The following MTG2 variants were observed in gnomAD, a reference collection of about 807,000 sequenced individuals.
The protein encoded by MTG2 is mitochondrial ribosome-associated GTPase 2.
Under a neutral mutation model 28.6 loss-of-function variants are expected in MTG2, and 23 were observed. The ratio of observed to expected loss-of-function variants is 0.80; its 90% CI spans 0.58 to 1.14. The LOEUF is 1.14. MTG2 is among the 50% of genes most tolerant of loss of function. The probability of loss-of-function intolerance (pLI) is 0.00; values close to 1 mark genes in which losing one functional copy is unlikely to be tolerated. For missense variants in MTG2, 539 were observed against 552.0 expected (o/e 0.98, Z 0.24); for synonymous variants, 260 against 251.8 (o/e 1.03, Z -0.31).
intron 6 of MTG2, 136 bp downstream of exon 6, chr20:62,199,393 C>G: frequency 8.8e-7 from 1 of 1,137,176 alleles, no homozygotes. Flanking sequence ...CACCTGTAAC[C>G]CCAGCACTTT....
chr20:62,197,723 A>T (rs187393169), intron 3 of MTG2, 129 bp from the exon 4 acceptor site: 20 of 630,290 alleles, frequency 3.2e-5, no homozygotes, highest in Non-Finnish European at 4.7e-5. Context: ...TGGTTTTGTA[A>T]CTTCTGCTGC....
chr20:62,185,610 C>G (rs2057827472), intron 1 of MTG2, among the ~76,000 whole-genome samples: 1 of 151,958 alleles, frequency 6.6e-6, no homozygotes, highest in Admixed American at 6.6e-5. Flanking sequence ...GCACTCCAGC[C>G]TGGGAGTGAG....
In MTG2 at chr20:62,201,150, C is replaced by A; in HGVS notation, c.*73C>A. 2 of 1,459,322 alleles carry A rather than the reference C, an allele frequency of 1.4e-6. No individual in the cohort carries two copies. The highest frequency in any genetic ancestry group is 1.8e-6 in the Non-Finnish European group (2 of 1,106,248). The allele number at this position is 1,459,322 out of a possible 1,614,324, so 90.4% of individuals were successfully genotyped here. ...GGTGTGAATTCGGTGGTTTTGAATGCATAAAGTGCCTTGTGGACACGGGGG... is the reference window on the plus strand; with the variant it reads ...GGTGTGAATTCGGTGGTTTTGAATGAATAAAGTGCCTTGTGGACACGGGGG... On this transcript the variant is annotated 3_prime_UTR_variant, in exon 7 of 7. Transcript: ENST00000370823.
chr20:62,193,229 C>T (rs138536111), intron 1 of MTG2, among the ~76,000 whole-genome samples, 187 bp from the exon 2 acceptor site: 25 of 151,828 alleles, frequency 1.6e-4, no homozygotes, highest in African/African-American at 4.6e-4. Context: ...GATAGGCTGA[C>T]GGGTCAGAGG....
chr20:62,198,994 G>C, intron 5 of MTG2, 125 bp from the exon 6 acceptor site: 2 of 1,541,718 alleles, frequency 1.3e-6, no homozygotes, highest in Non-Finnish European at 1.8e-6. Context: ...TGACTTGGTC[G>C]TGAGCATGAG....
At chr20:62,186,819 G>A (rs1216842909) in intron 1 of MTG2, among the ~76,000 whole-genome samples, 1 of 151,678 alleles carries the variant, frequency 6.6e-6, no homozygotes, top group Non-Finnish European at 1.5e-5. Context: ...ATGAGCCACC[G>A]TGCCCAGCCT....
At chr20:62,184,090 G>A (rs2057782941) in intron 1 of MTG2, among the ~76,000 whole-genome samples, 2 of 152,258 alleles carry the variant, frequency 1.3e-5, no homozygotes, top group South Asian at 4.1e-4. Flanking sequence ...TGGGCGCGGT[G>A]GCTCACGCCT....
Position 62,202,956 on chromosome 20 carries a change from A to G in MTG2, c.*1879A>G, listed in dbSNP as rs916800998. The G allele has an allele frequency of 2.6e-5, 4 of 152,244 alleles. No individual in the cohort carries two copies. Among genetic ancestry groups the G allele is most frequent in the Non-Finnish European group, 5.9e-5 (4 of 68,054 alleles). 9.4% of individuals were successfully genotyped at this position (152,244 alleles called of 1,614,324 possible). ...AGGAGCAATTCCGTTTTGATCTCAC[A>G]TCAAATCTGCAGCTAGAACATGACA... On this transcript the variant is annotated 3_prime_UTR_variant, in exon 7 of 7. Coordinates refer to ENST00000370823, the MANE Select transcript of MTG2 (RefSeq NM_015666.4).
At chr20:62,198,568 A>G (rs1418874437) in intron 4 of MTG2, 66 bp from the exon 5 acceptor site, 1 of 1,527,706 alleles carries the variant, frequency 6.5e-7, no homozygotes, top group African/African-American at 1.4e-5. Flanking sequence ...TGCTTCAGGA[A>G]TGGGTTAAGG....
chr20:62,186,539 T>G lies in MTG2; in HGVS notation c.-6+3482T>G, dbSNP rs1233591070. Among the ~76,000 whole-genome samples the G allele has an allele frequency of 4.1e-3, 615 of 148,820 alleles. 3 individuals are homozygous for G. The highest frequency in any genetic ancestry group is 0.015 in the African/African-American group (588 of 40,548). ...GGACTTTTTTTTTTGTTTTTTTTTT[T>G]TTTTTTTGAGATGGAGTCTTGCTCT... On this transcript the variant is annotated intron_variant, in intron 1 of 6. Transcript: ENST00000370823.
intron 1 of MTG2, among the ~76,000 whole-genome samples, chr20:62,191,611 G>A (rs938291945): frequency 6.6e-5 from 10 of 152,198 alleles, no homozygotes; most frequent in Non-Finnish European, 1.3e-4. Context: ...GGCGTCCGAG[G>A]CACTGCGAGG....
chr20:62,201,342 A>C lies in MTG2; in HGVS notation c.*265A>C. On this transcript the variant is annotated 3_prime_UTR_variant, in exon 7 of 7. Coordinates refer to ENST00000370823, the MANE Select transcript of MTG2 (RefSeq NM_015666.4). ...TCATTTGTGCTGATTAACACCCCTA[A>C]TAAGGGGTTGGGGTGCCCATAACGG... 7 of 495,396 alleles carry C rather than the reference A, an allele frequency of 1.4e-5. No individual in the cohort carries two copies. The highest frequency in any genetic ancestry group is 3.6e-5 in the East Asian group (1 of 28,136). The allele number at this position is 495,396 out of a possible 1,614,324, so 30.7% of individuals were successfully genotyped here.
At chr20:62,186,529 T>G (rs4009660) in intron 1 of MTG2, among the ~76,000 whole-genome samples, 129 of 34,110 alleles carry the variant, frequency 3.8e-3, no homozygotes, top group South Asian at 0.014. Flanking sequence ...TTTTTTTTTG[T>G]TTTTTTTTTT....
At position 62,200,833 on chromosome 20, in the gene MTG2, A is replaced by T; in HGVS notation, c.977A>T (p.Tyr326Phe). Residue 326 changes from tyrosine to phenylalanine, a missense_variant, in exon 7 of 7, where the codon TAT (tyrosine) becomes TTT (phenylalanine). Coordinates refer to ENST00000370823, the MANE Select transcript of MTG2 (RefSeq NM_015666.4). ...TGGACTCAAGTTGACGATTTAAAAT[A>T]TGAACTGGAGATGTATGAAAAGGGC... Reference protein sequence around the residue: ...EPWTQVDDLKYELEMYEKGLS... With the variant: ...EPWTQVDDLKFELEMYEKGLS... 1 of 1,613,968 alleles carries T rather than the reference A, an allele frequency of 6.2e-7. No individual in the cohort carries two copies. The highest frequency in any genetic ancestry group is 8.5e-7 in the Non-Finnish European group (1 of 1,180,032).
At position 62,201,269 on chromosome 20, in the gene MTG2, CCGTATTTCCTG is replaced by C. The variant is rs1309559724; in HGVS notation, c.*194_*204del. 1.5e-6 allele frequency: 1 copy of C among 666,960 alleles called. No homozygotes were observed. Among genetic ancestry groups the C allele is most frequent in the African/African-American group, 1.8e-5 (1 of 55,000 alleles). The allele number at this position is 666,960 out of a possible 1,614,324, so 41.3% of individuals were successfully genotyped here. A position where few individuals can be genotyped will look rare whatever the true frequency, so the allele number is the denominator to read the frequency against. Reference sequence around the variant, plus strand: ...CCGTGCCCCCTACCCCGCCTGCCCTCCGTATTTCCTGCACCTGTCAGCCTGCACCGACTGAT... The same window carrying C: ...CCGTGCCCCCTACCCCGCCTGCCCTCCACCTGTCAGCCTGCACCGACTGAT... On this transcript the variant is annotated 3_prime_UTR_variant, in exon 7 of 7. Coordinates refer to ENST00000370823, the MANE Select transcript of MTG2 (RefSeq NM_015666.4).
intron 3 of MTG2, among the ~76,000 whole-genome samples, chr20:62,196,471 G>A (rs934240159): frequency 7.3e-5 from 11 of 151,180 alleles, no homozygotes; most frequent in Middle Eastern, 3.4e-3. Flanking sequence ...TCCGGAGTTC[G>A]AGACCAGCCT....
In MTG2 at chr20:62,200,761, G is replaced by A. The variant is rs372275598; in HGVS notation, c.905G>A (p.Arg302His). ...LGSAFLRHIE[R>H]CRFLLFVVDL... is the part of the protein sequence containing the mutation. ...TCCGCCTTCCTCAGGCACATCGAGC[G>A]CTGCCGCTTTCTCTTGTTCGTGGTG... is the stretch of plus-strand genomic sequence containing the variant. Residue 302 changes from arginine to histidine, a missense_variant, in exon 7 of 7, where the codon CGC becomes CAC. Physicochemically the swap from Arg to His is conservative, Grantham distance 29 (BLOSUM62 0). Coordinates refer to ENST00000370823, the MANE Select transcript of MTG2 (RefSeq NM_015666.4). 4.0e-5 allele frequency: 64 copies of A among 1,613,604 alleles called. No individual in the cohort carries two copies. Among genetic ancestry groups the A allele is most frequent in the Non-Finnish European group, 5.1e-5 (60 of 1,180,048 alleles).
rs1203009538 is a variant in MTG2, at chr20:62,198,658, G to A, written c.493G>A (p.Glu165Lys). The change falls in exon 5 of 7, where the codon GAG becomes AAG. Residue 165 changes from glutamate (E) to lysine (K), a missense_variant. By Grantham distance (56) the Glu-to-Lys change is moderately conservative. Coordinates refer to ENST00000370823, the MANE Select transcript of MTG2 (RefSeq NM_015666.4). ...IRVPVGTLVK[E>K]GGRVVADLSC... ...GGTCCCCGTGGGCACGCTGGTGAAG[G>A]AGGGAGGCAGAGTTGTGGCCGACCT... is the stretch of plus-strand genomic sequence containing the variant. The A allele has an allele frequency of 4.3e-6, 7 of 1,613,966 alleles. No homozygotes were observed. Among genetic ancestry groups the A allele is most frequent in the Non-Finnish European group, 5.9e-6 (7 of 1,179,944 alleles).
chr20:62,199,028 A>G, intron 5 of MTG2, 91 bp from the exon 6 acceptor site: 1 of 1,586,888 alleles, frequency 6.3e-7, no homozygotes, highest in Non-Finnish European at 8.6e-7. Flanking sequence ...CCCAGCCCTG[A>G]AATCCTCCCT....
Sources: gnomAD v4.1 joint callset for allele counts (sites outside exome capture counted in the v4.1 genomes callset) on GRCh38, gnomAD v4.1.1 for gene constraint, MANE v1.5 for transcripts, NCBI Gene and HGNC (gene_info 2026-07-23, HGNC 2026-07-21) for gene names.